Variants in JAM2 observed in about 807,000 individuals in gnomAD.
The protein encoded by JAM2 is junctional adhesion molecule B.
Under a neutral mutation model 42.0 loss-of-function variants are expected in JAM2, and 17 were observed. That is an observed-to-expected ratio of 0.40 (90% CI 0.28 to 0.61). The LOEUF (loss-of-function observed/expected upper bound fraction) is 0.61. JAM2 is among the 20% of genes least tolerant of loss of function. JAM2 has a pLI of 0.37. For synonymous variants in JAM2, 118 were observed against 128.6 expected, an observed-to-expected ratio of 0.92 and a Z score of 0.56; for missense variants, 319 against 358.3, an observed-to-expected ratio of 0.89 and a Z score of 0.89.
chr21:25,695,072 A>C (rs967340246), intron 4 of JAM2, among the ~76,000 whole-genome samples: 8 of 151,868 alleles, frequency 5.3e-5, no homozygotes, highest in African/African-American at 1.9e-4. Flanking sequence ...AGGGAAGGTC[A>C]GCAGATAAAC....
intron 4 of JAM2, among the ~76,000 whole-genome samples, chr21:25,695,622 C>CTCCT (rs2033994466): frequency 6.7e-6 from 1 of 149,872 alleles, no homozygotes; most frequent in South Asian, 2.1e-4. Context: ...ACCTCCCTCC[C>CTCCT]GGATGGGGCG....
intron 7 of JAM2, among the ~76,000 whole-genome samples, 160 bp downstream of exon 7, chr21:25,706,246 A>ATC (rs2034269151): frequency 6.6e-6 from 1 of 151,670 alleles, no homozygotes; most frequent in South Asian, 2.1e-4. Flanking sequence ...TGGTGGCAAA[A>ATC]TCTCCACTCA....
chr21:25,673,155 G>T (rs112857410), intron 1 of JAM2, among the ~76,000 whole-genome samples: 112 of 152,284 alleles, frequency 7.4e-4, no homozygotes, highest in African/African-American at 2.5e-3. Context: ...GCCACTGATG[G>T]TTTTCCTGTA....
rs1374468450 is a variant in JAM2 at position 25,716,629 on chromosome 21, T to C, written c.*1957T>C. The C allele has an allele frequency of 6.6e-6, 1 of 152,218 alleles. No individual in the cohort carries two copies. Among genetic ancestry groups the C allele is most frequent in the Non-Finnish European group, 1.5e-5 (1 of 68,036 alleles). 9.4% of individuals were successfully genotyped at this position (152,218 alleles called of 1,614,324 possible). A position where few individuals can be genotyped will look rare whatever the true frequency, so the allele number is the denominator to read the frequency against. On this transcript the variant is annotated 3_prime_UTR_variant, in exon 10 of 10. Coordinates refer to ENST00000480456, the MANE Select transcript of JAM2 (RefSeq NM_021219.4). ...TGTTAACAACTACTTGACTCTGCCA[T>C]TGTAGCACAAAGGCAGCCACAGACA...
At chr21:25,697,219 A>G (rs1431575077) in intron 4 of JAM2, among the ~76,000 whole-genome samples, 1 of 152,018 alleles carries the variant, frequency 6.6e-6, no homozygotes, top group Non-Finnish European at 1.5e-5. Flanking sequence ...TTAAAGGTTC[A>G]TGTGATTAGG....
chr21:25,661,552 A>ATT (rs11387039), intron 1 of JAM2, among the ~76,000 whole-genome samples: 8 of 151,900 alleles, frequency 5.3e-5, no homozygotes, highest in African/African-American at 1.7e-4. Context: ...TAAAATATGT[A>ATT]TTTTTTTATT....
At chr21:25,664,452 T>A (rs954147406) in intron 1 of JAM2, among the ~76,000 whole-genome samples, 7 of 152,194 alleles carry the variant, frequency 4.6e-5, no homozygotes, top group African/African-American at 1.7e-4. Context: ...GCCAGGCTGG[T>A]CTCGACCTCC....
chr21:25,694,041 A>G (rs2033942725), intron 4 of JAM2, 133 bp downstream of exon 4: 4 of 808,480 alleles, frequency 4.9e-6, no homozygotes, highest in South Asian at 1.9e-5. Flanking sequence ...TACAGAGACC[A>G]TAAGCATCAC....
In JAM2 at chr21:25,717,188, T is replaced by G. The variant is rs1601077455; in HGVS notation, c.*2516T>G. On this transcript the variant is annotated 3_prime_UTR_variant, in exon 10 of 10. Coordinates refer to ENST00000480456, the MANE Select transcript of JAM2 (RefSeq NM_021219.4). ...TTTCCCCCACACAAAGGGCAGAGTATTGAGCACTAATTTCCTATTAAAAGT... is the reference window on the plus strand; with the variant it reads ...TTTCCCCCACACAAAGGGCAGAGTAGTGAGCACTAATTTCCTATTAAAAGT... 1 of 153,106 alleles carries G rather than the reference T, an allele frequency of 6.5e-6. No individual in the cohort carries two copies. The highest frequency in any genetic ancestry group is 1.5e-5 in the Non-Finnish European group (1 of 68,760). 9.5% of individuals were successfully genotyped at this position (153,106 alleles called of 1,614,324 possible).
chr21:25,657,262 C>T (rs1231423499), intron 1 of JAM2, among the ~76,000 whole-genome samples: 4 of 152,120 alleles, frequency 2.6e-5, no homozygotes, highest in Non-Finnish European at 5.9e-5. Flanking sequence ...GATGCTTCTG[C>T]CTCCAACTCC....
intron 1 of JAM2, among the ~76,000 whole-genome samples, chr21:25,672,739 G>A (rs1005566338): frequency 6.6e-6 from 1 of 152,136 alleles, no homozygotes; most frequent in African/African-American, 2.4e-5. Context: ...GGGCACCCAG[G>A]CTTGTTGTTC....
intron 7 of JAM2, among the ~76,000 whole-genome samples, chr21:25,706,558 A>C (rs925468443): frequency 6.6e-6 from 1 of 152,196 alleles, no homozygotes; most frequent in Non-Finnish European, 1.5e-5. Flanking sequence ...TCAGGATGAC[A>C]TGCAGGTGGC....
At chr21:25,666,784 A>G (rs554850223) in intron 1 of JAM2, among the ~76,000 whole-genome samples, 73 of 151,984 alleles carry the variant, frequency 4.8e-4, no homozygotes, top group Non-Finnish European at 7.5e-4. Context: ...TCCCACCTCC[A>G]TCTCTCAAAT....
intron 1 of JAM2, among the ~76,000 whole-genome samples, chr21:25,660,607 G>C (rs2033053400): frequency 6.6e-6 from 1 of 151,286 alleles, no homozygotes; most frequent in Non-Finnish European, 1.5e-5. Flanking sequence ...ACTCTCCAAA[G>C]TCCTGCTGCA....
intron 1 of JAM2, among the ~76,000 whole-genome samples, chr21:25,646,711 A>G (rs935264886): frequency 6.6e-5 from 10 of 152,306 alleles, no homozygotes; most frequent in African/African-American, 2.4e-4. Flanking sequence ...AATGCTCTCC[A>G]GTTTGAATTG....
intron 6 of JAM2, among the ~76,000 whole-genome samples, chr21:25,704,375 T>A (rs1032185633): frequency 1.3e-5 from 2 of 152,190 alleles, no homozygotes; most frequent in Non-Finnish European, 1.5e-5. Flanking sequence ...TTTTCTTTTT[T>A]AAAAAAATCA....
chr21:25,698,819 C>T lies in JAM2; in HGVS notation c.537C>T (p.Pro179=), dbSNP rs781442898. ...FKDGIRLLEN[P]RLGSQSTNSS... ...ATGGCATCCGTTTGCTAGAAAATCC[C>T]AGACTTGGCTCCCAAAGCACCAACA... The change falls in exon 5 of 10, where the codon CCC becomes CCT. Residue 179 remains proline (P), a synonymous_variant. Transcript: ENST00000480456. The T allele has an allele frequency of 3.5e-5, 56 of 1,614,064 alleles. No individual in the cohort carries two copies. Among genetic ancestry groups the T allele is most frequent in the African/African-American group, 5.3e-5 (4 of 74,904 alleles).
At chr21:25,656,508 A>G (rs76559303) in intron 1 of JAM2, among the ~76,000 whole-genome samples, 3,219 of 152,302 alleles carry the variant, frequency 0.021, 118 homozygotes, top group African/African-American at 0.073. Flanking sequence ...TTCTCTAGAG[A>G]AGATGCCGGT....
At chr21:25,690,283 T>C (rs1388644343) in intron 3 of JAM2, among the ~76,000 whole-genome samples, 1 of 151,390 alleles carries the variant, frequency 6.6e-6, no homozygotes, top group Non-Finnish European at 1.5e-5. Context: ...TCTTTCTTTC[T>C]TTCTCTTTAT....
Sources: gnomAD v4.1 joint callset for allele counts (sites outside exome capture counted in the v4.1 genomes callset) on GRCh38, gnomAD v4.1.1 for gene constraint, MANE v1.5 for transcripts, NCBI Gene and HGNC (gene_info 2026-07-23, HGNC 2026-07-21) for gene names.